SKAP2: variants seen among roughly 807,000 people sequenced by gnomAD.
The protein encoded by SKAP2 is src kinase associated phosphoprotein 2.
In SKAP2, 28 loss-of-function variants were observed where a neutral mutation model predicts 54.9. The ratio of observed to expected loss-of-function variants is 0.51; its 90% CI spans 0.38 to 0.70. The LOEUF (loss-of-function observed/expected upper bound fraction) is 0.70. SKAP2 is among the 30% of genes least tolerant of loss of function. The pLI, the probability that SKAP2 is intolerant of heterozygous loss-of-function variation, is 0.00. For missense variants in SKAP2, 356 were observed against 424.1 expected (o/e 0.84, Z 1.41); for synonymous variants, 137 against 134.3 (o/e 1.02, Z -0.14).
chr7:26,722,759 A>G (rs537604922), intron 9 of SKAP2, among the ~76,000 whole-genome samples: 44 of 152,082 alleles, frequency 2.9e-4, no homozygotes, highest in African/African-American at 1.0e-3. Context: ...AACTCAAAAC[A>G]CTGCAGGTTT....
At chr7:26,853,055 TG>T (rs1785081047) in intron 3 of SKAP2, among the ~76,000 whole-genome samples, 1 of 152,134 alleles carries the variant, frequency 6.6e-6, no homozygotes, top group African/African-American at 2.4e-5. Flanking sequence ...TTTATTTAAG[TG>T]TTAAAAATCT....
chr7:26,824,214 A>T (rs555785742), intron 4 of SKAP2, among the ~76,000 whole-genome samples: 37 of 152,236 alleles, frequency 2.4e-4, no homozygotes, highest in Non-Finnish European at 2.2e-4. Context: ...CAAAAAGGTT[A>T]TAATTCTCTG....
At chr7:26,841,092 T>C (rs1253557115) in intron 4 of SKAP2, among the ~76,000 whole-genome samples, 1 of 152,088 alleles carries the variant, frequency 6.6e-6, no homozygotes, top group Non-Finnish European at 1.5e-5. Context: ...CTCTTTTGTA[T>C]AGAGAAGCAG....
At chr7:26,804,608 A>G (rs1418322524) in intron 4 of SKAP2, among the ~76,000 whole-genome samples, 1 of 151,852 alleles carries the variant, frequency 6.6e-6, no homozygotes, top group East Asian at 1.9e-4. Flanking sequence ...GCATGGTGGC[A>G]CGCACCTGTA....
At chr7:26,835,873 C>A (rs1353273055) in intron 4 of SKAP2, among the ~76,000 whole-genome samples, 1 of 152,050 alleles carries the variant, frequency 6.6e-6, no homozygotes, top group African/African-American at 2.4e-5. Context: ...AAAAAGAGCC[C>A]GTATAGCCAA....
At chr7:26,764,323 A>C (rs545338295) in intron 4 of SKAP2, among the ~76,000 whole-genome samples, 1 of 152,304 alleles carries the variant, frequency 6.6e-6, no homozygotes, top group Non-Finnish European at 1.5e-5. Context: ...GTCATTCTCT[A>C]TAGAAGAAGA....
intron 4 of SKAP2, among the ~76,000 whole-genome samples, chr7:26,837,911 G>C (rs1784747543): frequency 6.6e-6 from 1 of 152,148 alleles, no homozygotes; most frequent in Non-Finnish European, 1.5e-5. Context: ...TTTAAGAGCA[G>C]AGCATAATCC....
intron 4 of SKAP2, among the ~76,000 whole-genome samples, chr7:26,799,053 C>T (rs1399103994): frequency 1.4e-4 from 9 of 64,054 alleles, no homozygotes; most frequent in African/African-American, 2.5e-4. Context: ...AGGGGAGGGG[C>T]GGGACAGGGG....
Position 26,726,893 on chromosome 7 carries a change from GT to G in SKAP2, c.582del (p.Lys194AsnfsTer21). 2 of 1,607,488 alleles carry G rather than the reference GT, an allele frequency of 1.2e-6. No individual in the cohort carries two copies. The highest frequency in any genetic ancestry group is 1.7e-6 in the Non-Finnish European group (2 of 1,176,928). ...DCCFEISAPD[K>X]RIYQFTAASP... Reference sequence around the variant, plus strand: ...ATAAAAACTACAACCTGATATATACGTTTATCAGGAGCAGAGATTTCAAAAC... The same window carrying G: ...ATAAAAACTACAACCTGATATATACGTTATCAGGAGCAGAGATTTCAAAAC... On this transcript the variant is annotated frameshift_variant, in exon 7 of 13. Coordinates refer to ENST00000345317, the MANE Select transcript of SKAP2 (RefSeq NM_003930.5). LOFTEE classifies it high-confidence loss of function.
chr7:26,671,475 A>G (rs184701710), intron 11 of SKAP2, among the ~76,000 whole-genome samples: 58 of 152,188 alleles, frequency 3.8e-4, no homozygotes, highest in African/African-American at 1.3e-3. Context: ...CAAATGTAGC[A>G]TTACATTAGC....
intron 4 of SKAP2, among the ~76,000 whole-genome samples, chr7:26,814,127 T>C (rs1784216006): frequency 6.8e-6 from 1 of 146,246 alleles, no homozygotes; most frequent in Non-Finnish European, 1.5e-5. Flanking sequence ...TTTATAAGAG[T>C]ACATTTTTGT....
intron 1 of SKAP2, among the ~76,000 whole-genome samples, chr7:26,863,056 T>C (rs1190823507): frequency 6.6e-6 from 1 of 152,154 alleles, no homozygotes. Flanking sequence ...CTATTTCCCT[T>C]AGTGGTACCC....
intron 4 of SKAP2, among the ~76,000 whole-genome samples, chr7:26,811,373 A>G (rs934988063): frequency 6.6e-6 from 1 of 152,188 alleles, no homozygotes; most frequent in South Asian, 2.1e-4. Context: ...AAGCCACTGG[A>G]GCACTGAAAA....
intron 9 of SKAP2, among the ~76,000 whole-genome samples, chr7:26,698,231 A>C (rs1786937233): frequency 6.6e-6 from 1 of 152,204 alleles, no homozygotes; most frequent in Non-Finnish European, 1.5e-5. Flanking sequence ...TCAAGAGCCC[A>C]AGAAAGAAAA....
At chr7:26,750,411 A>T (rs754029840) in intron 4 of SKAP2, among the ~76,000 whole-genome samples, 2 of 150,124 alleles carry the variant, frequency 1.3e-5, no homozygotes, top group Non-Finnish European at 2.9e-5. Flanking sequence ...CACCAGGTTC[A>T]ACGATTTCCC....
downstream of SKAP2, among the ~76,000 whole-genome samples, chr7:26,663,575 A>C (rs1373088842): frequency 3.3e-5 from 5 of 152,114 alleles, no homozygotes; most frequent in African/African-American, 1.2e-4. Context: ...TCAGTTACAA[A>C]ATTATACATG....
At chr7:26,795,137 C>A (rs1288399014) in intron 4 of SKAP2, among the ~76,000 whole-genome samples, 7 of 152,224 alleles carry the variant, frequency 4.6e-5, no homozygotes, top group Admixed American at 3.9e-4. Context: ...CAGAAATTCA[C>A]TGTTACTCTT....
At chr7:26,745,503 T>C (rs936795042) in intron 4 of SKAP2, among the ~76,000 whole-genome samples, 3 of 152,218 alleles carry the variant, frequency 2.0e-5, no homozygotes, top group Admixed American at 6.5e-5. Context: ...TGGGGGGAGA[T>C]AGAGCTTCGT....
chr7:26,687,151 C>A (rs1584330710), intron 10 of SKAP2, among the ~76,000 whole-genome samples: 2 of 150,426 alleles, frequency 1.3e-5, no homozygotes, highest in Admixed American at 1.3e-4. Context: ...TTTGGGGTCT[C>A]TCTTCCCCTC....
Sources: allele counts gnomAD v4.1 joint callset (sites outside exome capture counted in the v4.1 genomes callset), GRCh38; gene constraint gnomAD v4.1.1; transcripts MANE v1.5; gene names NCBI Gene and HGNC (gene_info 2026-07-23, HGNC 2026-07-21).